Variants in ATP8B4 observed in about 807,000 individuals in gnomAD.
The protein encoded by ATP8B4 is ATPase phospholipid transporting 8B4 (putative), also known as probable phospholipid-transporting ATPase IM.
ATP8B4 carries 133 observed loss-of-function variants against 145.6 expected under a neutral mutation model. The observed-to-expected ratio is 0.91, with a 90% CI of 0.79 to 1.05. The LOEUF (loss-of-function observed/expected upper bound fraction) is 1.05. Among genes scored for constraint, ATP8B4 ranks in the 50% least tolerant of loss-of-function variants. ATP8B4 has a pLI of 0.00. For synonymous variants in ATP8B4, 507 were observed against 492.9 expected (o/e 1.03, Z -0.38); for missense variants, 1,458 against 1,425.2 (o/e 1.02, Z -0.37).
chr15:50,130,678 A>G (rs1201290218), intron 1 of ATP8B4, among the ~76,000 whole-genome samples: 1 of 152,148 alleles, frequency 6.6e-6, no homozygotes, highest in Non-Finnish European at 1.5e-5. Flanking sequence ...CAGGAGGCTG[A>G]GGCAGGAGAA....
At chr15:50,049,298 CT>C (rs1253800765) in intron 3 of ATP8B4, among the ~76,000 whole-genome samples, 1 of 152,174 alleles carries the variant, frequency 6.6e-6, no homozygotes. Context: ...TTACCCCACC[CT>C]TTCACTCTCC....
intron 1 of ATP8B4, among the ~76,000 whole-genome samples, chr15:50,124,239 G>C (rs966189432): frequency 6.6e-6 from 1 of 152,034 alleles, no homozygotes; most frequent in African/African-American, 2.4e-5. Context: ...ACCAAGAGAA[G>C]GTAACTCAAC....
rs150554887 is a variant in ATP8B4 at position 49,995,402 on chromosome 15, A to G, written c.589+1275T>C. 3.8e-3 allele frequency among the ~76,000 whole-genome samples: 574 copies of G among 152,326 alleles called. 8 individuals are homozygous for G. The highest frequency in any genetic ancestry group is 0.013 in the African/African-American group (540 of 41,582). On this transcript the variant is annotated intron_variant, in intron 9 of 27. Coordinates refer to ENST00000284509, the MANE Select transcript of ATP8B4 (RefSeq NM_024837.4). ...ACATAACAGTAAAATTTCATTGAAA[A>G]AATTACTTAGTAGAAAATGTGTAAT...
intron 23 of ATP8B4, chr15:49,879,751 C>T (rs900561117): frequency 6.2e-5 from 14 of 226,150 alleles, no homozygotes; most frequent in Non-Finnish European, 9.4e-5. Context: ...GTGCGGGACA[C>T]GTATGAGCCC....
At chr15:50,163,346 A>C (rs2044548756) in intron 1 of ATP8B4, among the ~76,000 whole-genome samples, 2 of 152,200 alleles carry the variant, frequency 1.3e-5, no homozygotes, top group Admixed American at 1.3e-4. Context: ...CATTGGGGGC[A>C]CCCCAAGCCC....
At chr15:49,933,280 A>C (rs2041428813) in intron 15 of ATP8B4, among the ~76,000 whole-genome samples, 1 of 152,122 alleles carries the variant, frequency 6.6e-6, no homozygotes, top group South Asian at 2.1e-4. Context: ...AATAAAATTG[A>C]GATATAAAAT....
intron 1 of ATP8B4, among the ~76,000 whole-genome samples, chr15:50,142,207 C>A (rs962678124): frequency 6.6e-6 from 1 of 152,010 alleles, no homozygotes. Context: ...CTCTGGATGC[C>A]GAAGGAAAGC....
At chr15:50,094,060 G>A (rs542293632) in intron 2 of ATP8B4, among the ~76,000 whole-genome samples, 3 of 152,154 alleles carry the variant, frequency 2.0e-5, no homozygotes, top group Non-Finnish European at 4.4e-5. Flanking sequence ...ATGTCTGTGA[G>A]GGTGAATTTT....
Position 50,022,672 on chromosome 15 carries a change from C to T in ATP8B4, c.363-11755G>A, listed in dbSNP as rs149808890. Among the ~76,000 whole-genome samples, 1,167 of 152,300 alleles carry T rather than the reference C, an allele frequency of 7.7e-3. 9 individuals carry two copies. Among genetic ancestry groups the T allele is most frequent in the Admixed American group, 0.016 (243 of 15,304 alleles). ...CCCCTGGCCCAACCTATGACATGAA[C>T]TAGAGTGCCCCAAAAAATCCTCTAT... On this transcript the variant is annotated intron_variant, in intron 6 of 27. Transcript: ENST00000284509.
At chr15:50,160,410 TCTC>T (rs938003133) in intron 1 of ATP8B4, among the ~76,000 whole-genome samples, 1 of 152,024 alleles carries the variant, frequency 6.6e-6, no homozygotes, top group African/African-American at 2.4e-5. Context: ...TTATTTCTTT[TCTC>T]CTACAAATTT....
chr15:50,149,842 T>C (rs11070754), intron 1 of ATP8B4, among the ~76,000 whole-genome samples: 69,086 of 151,982 alleles, frequency 0.45, 16,464 homozygotes, highest in East Asian at 0.89. Flanking sequence ...GGCTCATGCC[T>C]GTAATCCCAG....
chr15:50,008,199 G>A (rs1469855438), intron 7 of ATP8B4, among the ~76,000 whole-genome samples: 1 of 152,114 alleles, frequency 6.6e-6, no homozygotes, highest in Non-Finnish European at 1.5e-5. Flanking sequence ...GAGCAGAACA[G>A]ACTCTCTGCA....
chr15:50,059,436 C>T (rs892001413), intron 3 of ATP8B4, among the ~76,000 whole-genome samples: 5 of 152,154 alleles, frequency 3.3e-5, no homozygotes, highest in African/African-American at 9.7e-5. Flanking sequence ...TCCACCAGAG[C>T]ATCACTAGGA....
chr15:50,060,671 C>G (rs2052945157), intron 3 of ATP8B4, among the ~76,000 whole-genome samples: 2 of 152,154 alleles, frequency 1.3e-5, no homozygotes, highest in African/African-American at 4.8e-5. Flanking sequence ...TTGCCAAAAT[C>G]TTCCAGGCAC....
intron 5 of ATP8B4, among the ~76,000 whole-genome samples, chr15:50,039,894 T>C (rs1383854578): frequency 6.6e-6 from 1 of 152,160 alleles, no homozygotes; most frequent in Admixed American, 6.5e-5. Context: ...ATATTACCAG[T>C]AAAAATAAGA....
At chr15:50,107,033 A>G in intron 1 of ATP8B4, 25 bp from the exon 2 acceptor site, 4 of 1,429,270 alleles carry the variant, frequency 2.8e-6, no homozygotes, top group East Asian at 2.4e-5. Flanking sequence ...TATGCATATT[A>G]GTATCTGAAA....
chr15:49,887,873 T>C (rs1404464709), intron 23 of ATP8B4, among the ~76,000 whole-genome samples: 1 of 152,206 alleles, frequency 6.6e-6, no homozygotes, highest in East Asian at 1.9e-4. Flanking sequence ...CACATTTAAA[T>C]AAACCTTAAT....
chr15:50,172,050 T>C (rs1158388787), intron 1 of ATP8B4, among the ~76,000 whole-genome samples: 1 of 152,148 alleles, frequency 6.6e-6, no homozygotes, highest in African/African-American at 2.4e-5. Context: ...GAGATTGAAA[T>C]GGTAAATTAA....
At chr15:49,999,085 A>G (rs75334793) in intron 8 of ATP8B4, among the ~76,000 whole-genome samples, 6 of 152,154 alleles carry the variant, frequency 3.9e-5, no homozygotes, top group East Asian at 1.9e-4. Flanking sequence ...ACATGCACAC[A>G]TATGTTTATT....
Sources: gnomAD v4.1 joint callset for allele counts (sites outside exome capture counted in the v4.1 genomes callset) on GRCh38, gnomAD v4.1.1 for gene constraint, MANE v1.5 for transcripts, NCBI Gene and HGNC (gene_info 2026-07-23, HGNC 2026-07-21) for gene names.